The following RASGRP3 variants were observed in gnomAD, a reference collection of about 807,000 sequenced individuals.
The protein encoded by RASGRP3 is RAS guanyl releasing protein 3, also known as ras guanyl-releasing protein 3.
A neutral mutation model predicts 82.7 loss-of-function variants in RASGRP3; 54 were observed. The observed-to-expected ratio is 0.65, with a 90% CI of 0.52 to 0.82. The LOEUF is 0.82. RASGRP3 is among the 40% of genes least tolerant of loss of function. RASGRP3 has a pLI of 0.00. For synonymous variants in RASGRP3, 309 were observed against 300.5 expected (o/e 1.03, Z -0.29); for missense variants, 861 against 828.9 (o/e 1.04, Z -0.48).
chr2:33,558,633 G>A (rs760629730), intron 16 of RASGRP3, 39 bp from the exon 17 acceptor site: 1 of 1,514,736 alleles, frequency 6.6e-7, no homozygotes, highest in Non-Finnish European at 9.0e-7. Flanking sequence ...CTGTCAAGCA[G>A]TCAGATGTCA....
At position 33,537,330 on chromosome 2, in the gene RASGRP3, C is replaced by CCCAA. The variant is rs66749495; in HGVS notation, c.1162-1763_1162-1762insCAAC. 5.2e-5 allele frequency among the ~76,000 whole-genome samples: 5 copies of CCCAA among 95,688 alleles called. No individual in the cohort carries two copies. The East Asian group carries it at 7.4e-4, about 14-fold the overall frequency. 62.8% of individuals were successfully genotyped at this position (95,688 alleles called of 152,430 possible). A position where few individuals can be genotyped will look rare whatever the true frequency, so the allele number is the denominator to read the frequency against. On this transcript the variant is annotated intron_variant, in intron 11 of 17. Transcript: ENST00000403687. Reference sequence around the variant, plus strand: ...TACACACACACACACACCGCCCCCCCCACACACACACACAAGTATATATAT... The same window carrying CCCAA: ...TACACACACACACACACCGCCCCCCCCCAACACACACACACACAAGTATATATAT...
At chr2:33,478,089 G>A (rs565511910) in intron 1 of RASGRP3, among the ~76,000 whole-genome samples, 1 of 152,178 alleles carries the variant, frequency 6.6e-6, no homozygotes, top group South Asian at 2.1e-4. Flanking sequence ...AATGACCCAG[G>A]GCACGGCACT....
In RASGRP3 at chr2:33,460,849, C is replaced by T. The variant is rs1666322754; in HGVS notation, c.-261+12906C>T. Reference sequence around the variant, plus strand: ...TATTTTATAACATAAATCACACACACAGGAGTCCTGCTCATCTTATTTTAT... The same window carrying T: ...TATTTTATAACATAAATCACACACATAGGAGTCCTGCTCATCTTATTTTAT... On this transcript the variant is annotated intron_variant, in intron 2 of 18. Transcript: ENST00000402538. Among the ~76,000 whole-genome samples, 3 of 152,128 alleles carry T rather than the reference C, an allele frequency of 2.0e-5. No individual in the cohort carries two copies. In the South Asian group the frequency reaches 6.2e-4, roughly 31 times the overall value.
rs1363526493 is a variant in RASGRP3 at position 33,511,762 on chromosome 2, T to G, written c.-208T>G. ...TGAATAAACCAGTTCTACAGACTGC[T>G]TCTTCCATGCATTTCCCAATGATGC... On this transcript the variant is annotated 5_prime_UTR_variant, in exon 2 of 18. Coordinates refer to ENST00000403687, the MANE Select transcript of RASGRP3 (RefSeq NM_001139488.2). 1 of 152,660 alleles carries G rather than the reference T, an allele frequency of 6.6e-6. No individual in the cohort carries two copies. Among genetic ancestry groups the G allele is most frequent in the Non-Finnish European group, 1.5e-5 (1 of 68,032 alleles). The allele number at this position is 152,660 out of a possible 1,614,324, so 9.5% of individuals were successfully genotyped here. A position where few individuals can be genotyped will look rare whatever the true frequency, so the allele number is the denominator to read the frequency against.
Position 33,549,794 on chromosome 2 carries a change from G to A in RASGRP3, c.1542+43G>A, listed in dbSNP as rs143848038. The A allele has an allele frequency of 1.2e-3, 1,870 of 1,570,734 alleles. 20 individuals are homozygous for A. The African/African-American group carries it at 0.022, about 19-fold the overall frequency. On this transcript the variant is annotated intron_variant, in intron 14 of 17. Coordinates refer to ENST00000403687, the MANE Select transcript of RASGRP3 (RefSeq NM_001139488.2). ...TGTTTTCTTATGTGTGTAGTTATTT[G>A]TGTGGCATTCTGAAAAAGTAGGAAA... is the stretch of plus-strand genomic sequence containing the variant.
chr2:33,458,638 A>G (rs560993476), intron 2 of RASGRP3, among the ~76,000 whole-genome samples: 1 of 152,314 alleles, frequency 6.6e-6, no homozygotes, highest in Admixed American at 6.5e-5. Context: ...CTCAGATGGT[A>G]TGTGGAAGAG....
rs72802092 is a variant in RASGRP3, at chr2:33,458,520, G to A, written c.-261+10577G>A. ...CCAGATCAAACTCTGTGGTGAAGCC[G>A]TGTAATTCAGAAGAGGTGGGTATAG... On this transcript the variant is annotated intron_variant, in intron 2 of 18. Transcript: ENST00000402538. Among the ~76,000 whole-genome samples, 1,357 of 152,292 alleles carry A rather than the reference G, an allele frequency of 8.9e-3. 21 individuals carry two copies. The highest frequency in any genetic ancestry group is 0.012 in the Non-Finnish European group (848 of 68,020).
At chr2:33,444,973 C>G (rs1486202635) in intron 1 of RASGRP3, among the ~76,000 whole-genome samples, 3 of 152,164 alleles carry the variant, frequency 2.0e-5, no homozygotes, top group Non-Finnish European at 4.4e-5. Context: ...CAACTTAGTA[C>G]AAAGAAATAA....
chr2:33,444,754 G>T lies in RASGRP3; in HGVS notation c.-384-3066G>T, dbSNP rs943085895. Among the ~76,000 whole-genome samples, 3 of 152,314 alleles carry T rather than the reference G, an allele frequency of 2.0e-5. 1 individual carries two copies. In the South Asian group the frequency reaches 6.2e-4, roughly 32 times the overall value. The stretch of plus-strand genomic sequence containing the variant: ...AATGATTCAGCTCTTCACCTGGGCT[G>T]GGTAACTATGGATTCCTCAGTTGAG... On this transcript the variant is annotated intron_variant, in intron 1 of 18. Transcript: ENST00000402538.
chr2:33,534,205 C>T, intron 10 of RASGRP3, 118 bp from the exon 11 acceptor site: 1 of 685,572 alleles, frequency 1.5e-6, no homozygotes, highest in South Asian at 1.7e-5. Flanking sequence ...TATTGTTCTG[C>T]ATTTACTCAA....
intron 7 of RASGRP3, 21 bp from the exon 8 acceptor site, chr2:33,523,856 GTC>G: frequency 6.3e-7 from 1 of 1,585,272 alleles, no homozygotes; most frequent in African/African-American, 1.3e-5. Flanking sequence ...ATAATTCAGA[GTC>G]TCTGAATCTT....
intron 1 of RASGRP3, among the ~76,000 whole-genome samples, chr2:33,505,299 A>ATT (rs747642159): frequency 9.1e-5 from 13 of 142,760 alleles, no homozygotes; most frequent in South Asian, 6.8e-4. Flanking sequence ...CGCAGACAGG[A>ATT]TTTTTTTTTT....
At chr2:33,445,254 A>G (rs1665440409) in intron 1 of RASGRP3, among the ~76,000 whole-genome samples, 1 of 152,218 alleles carries the variant, frequency 6.6e-6, no homozygotes, top group Non-Finnish European at 1.5e-5. Context: ...GTAGGTTCTT[A>G]TGGCCCCACC....
chr2:33,436,847 G>A (rs1003281479), intron 1 of RASGRP3, among the ~76,000 whole-genome samples: 7 of 152,108 alleles, frequency 4.6e-5, no homozygotes, highest in Admixed American at 4.6e-4. Flanking sequence ...ATTATCAGGG[G>A]TTTAGATAGT....
intron 1 of RASGRP3, among the ~76,000 whole-genome samples, chr2:33,480,285 CA>C: frequency 6.6e-6 from 1 of 152,270 alleles, no homozygotes; most frequent in Non-Finnish European, 1.5e-5. Flanking sequence ...CCTGGTGATC[CA>C]CCCGCCTCGG....
chr2:33,454,854 A>G (rs1044944031), intron 2 of RASGRP3, among the ~76,000 whole-genome samples: 8 of 152,120 alleles, frequency 5.3e-5, no homozygotes, highest in Non-Finnish European at 8.8e-5. Context: ...CAGAAAAAGG[A>G]TTTTCTGGTT....
At position 33,515,010 on chromosome 2, in the gene RASGRP3, A is replaced by T; in HGVS notation, c.-127A>T. On this transcript the variant is annotated splice_region_variant and 5_prime_UTR_variant, in exon 3 of 18. Coordinates refer to ENST00000403687, the MANE Select transcript of RASGRP3 (RefSeq NM_001139488.2). ...TTCTCTCTTTTTTCTTTTTTTTTAGAGTTTTCTTGAAGTACAACTAAGGAC... is the reference window on the plus strand; with the variant it reads ...TTCTCTCTTTTTTCTTTTTTTTTAGTGTTTTCTTGAAGTACAACTAAGGAC... The T allele has an allele frequency of 2.5e-6, 2 of 810,260 alleles. No individual in the cohort carries two copies. The highest frequency in any genetic ancestry group is 2.1e-6 in the Non-Finnish European group (1 of 484,916). The allele number at this position is 810,260 out of a possible 1,614,324, so 50.2% of individuals were successfully genotyped here.
chr2:33,542,348 T>C lies in RASGRP3; in HGVS notation c.1279-1164T>C, dbSNP rs114746103. The stretch of plus-strand genomic sequence containing the variant: ...GATTAATGTAGCTGTGTAGAATATT[T>C]GATTTCTGAAAGGGCATGTTCCCCC... On this transcript the variant is annotated intron_variant, in intron 12 of 17. Transcript: ENST00000403687. 1.7e-3 allele frequency among the ~76,000 whole-genome samples: 253 copies of C among 146,952 alleles called. 15 individuals carry two copies. The highest frequency in any genetic ancestry group is 5.9e-3 in the African/African-American group (243 of 41,208).
At chr2:33,535,929 A>G (rs559857640) in intron 11 of RASGRP3, among the ~76,000 whole-genome samples, 35 of 152,300 alleles carry the variant, frequency 2.3e-4, no homozygotes, top group African/African-American at 5.8e-4. Flanking sequence ...CTTGACACCA[A>G]TTAGGCACCA....
Sources: gnomAD v4.1 joint callset for allele counts (sites outside exome capture counted in the v4.1 genomes callset) on GRCh38, gnomAD v4.1.1 for gene constraint, MANE v1.5 for transcripts, NCBI Gene and HGNC (gene_info 2026-07-23, HGNC 2026-07-21) for gene names.